B3GALT1: variants seen among roughly 807,000 people sequenced by gnomAD.
The protein encoded by B3GALT1 is beta-1,3-galactosyltransferase 1, also known as UDP-Gal:betaGlcNAc beta 1,3-galactosyltransferase, polypeptide 1.
A neutral mutation model predicts 23.2 loss-of-function variants in B3GALT1; 10 were observed. That is an observed-to-expected ratio of 0.43 (90% CI 0.27 to 0.73). B3GALT1 has a LOEUF of 0.73. Ranked by LOEUF, B3GALT1 falls within the 30% of genes least tolerant of loss-of-function variation. The probability of loss-of-function intolerance (pLI) is 0.21; values close to 1 mark genes in which losing one functional copy is unlikely to be tolerated. For synonymous variants in B3GALT1, 156 were observed against 141.5 expected, an observed-to-expected ratio of 1.10 and a Z score of -0.73; for missense variants, 299 against 405.4, an observed-to-expected ratio of 0.74 and a Z score of 2.25.
At position 167,810,260 on chromosome 2, in the gene B3GALT1, C is replaced by A. The variant is rs369109952; in HGVS notation, c.-351-8412C>A. Among the ~76,000 whole-genome samples the A allele has an allele frequency of 2.6e-4, 40 of 151,076 alleles. 4 individuals are homozygous for A. The highest frequency in any genetic ancestry group is 9.6e-4 in the African/African-American group (39 of 40,418). On this transcript the variant is annotated intron_variant, in intron 3 of 4. Transcript: ENST00000392690. ...GGTGATGCCTCGCCCTGCTTCGGCT[C>A]ACACTCAGTGCACTGCACCCACTGT... is the stretch of plus-strand genomic sequence containing the variant.
chr2:167,411,006 TAA>T (rs2105295468), intron 1 of B3GALT1, among the ~76,000 whole-genome samples: 1 of 151,706 alleles, frequency 6.6e-6, no homozygotes, highest in South Asian at 2.1e-4. Context: ...AATAATTTTA[TAA>T]AGATACCCAT....
At chr2:167,458,804 T>G (rs1187808321) in intron 1 of B3GALT1, among the ~76,000 whole-genome samples, 3 of 152,168 alleles carry the variant, frequency 2.0e-5, no homozygotes, top group Non-Finnish European at 4.4e-5. Flanking sequence ...ACCAGATTTT[T>G]TTGTTGTTGT....
intron 3 of B3GALT1, among the ~76,000 whole-genome samples, chr2:167,717,484 G>GT (rs35510735): frequency 4.7e-5 from 7 of 150,522 alleles, no homozygotes; most frequent in East Asian, 2.0e-4. Context: ...GTTATACATA[G>GT]TTTTTTTTTT....
At chr2:167,318,274 G>A (rs527273613) in intron 1 of B3GALT1, among the ~76,000 whole-genome samples, 4 of 150,774 alleles carry the variant, frequency 2.7e-5, no homozygotes, top group South Asian at 2.1e-4. Flanking sequence ...GCGGTGAGCC[G>A]AGATCACACC....
intron 1 of B3GALT1, among the ~76,000 whole-genome samples, chr2:167,336,644 T>C (rs1477389814): frequency 6.6e-6 from 1 of 152,196 alleles, no homozygotes; most frequent in African/African-American, 2.4e-5. Flanking sequence ...TAGATACTTA[T>C]TAGTAATTGT....
intron 3 of B3GALT1, among the ~76,000 whole-genome samples, chr2:167,733,562 A>G (rs995201207): frequency 6.6e-6 from 1 of 152,068 alleles, no homozygotes; most frequent in Admixed American, 6.6e-5. Flanking sequence ...AAGTTTCTCA[A>G]TTTCTAAAAC....
At chr2:167,369,321 G>A (rs1022194468) in intron 1 of B3GALT1, among the ~76,000 whole-genome samples, 22 of 152,096 alleles carry the variant, frequency 1.4e-4, no homozygotes, top group African/African-American at 5.3e-4. Context: ...TGAGCAAGTG[G>A]TAGAATATTC....
chr2:167,616,786 C>G (rs1469257735), intron 2 of B3GALT1, among the ~76,000 whole-genome samples: 1 of 151,996 alleles, frequency 6.6e-6, no homozygotes, highest in Admixed American at 6.6e-5. Flanking sequence ...TCCCTGTAAA[C>G]TTTCTTGTAT....
In B3GALT1 at chr2:167,871,944, C is replaced by T. The variant is rs1357265521; in HGVS notation, c.*1924C>T. 1 of 136,590 alleles carries T rather than the reference C, an allele frequency of 7.3e-6. No individual in the cohort carries two copies. The highest frequency in any genetic ancestry group is 2.2e-4 in the East Asian group (1 of 4,458). 8.5% of individuals were successfully genotyped at this position (136,590 alleles called of 1,614,324 possible). ...TGAGACGGAGTCTAGCTCTGTGGCC[C>T]AGGCGGGAGTGCAGTGGCACAATCT... On this transcript the variant is annotated 3_prime_UTR_variant, in exon 5 of 5. Coordinates refer to ENST00000392690, the MANE Select transcript of B3GALT1 (RefSeq NM_020981.4).
chr2:167,323,245 TG>T (rs1428864647), intron 1 of B3GALT1, among the ~76,000 whole-genome samples: 3 of 152,022 alleles, frequency 2.0e-5, no homozygotes, highest in Non-Finnish European at 4.4e-5. Flanking sequence ...CATTTAAAAG[TG>T]TGAGTATATA....
At chr2:167,615,097 A>G (rs1036285402) in intron 2 of B3GALT1, among the ~76,000 whole-genome samples, 3 of 152,132 alleles carry the variant, frequency 2.0e-5, no homozygotes, top group East Asian at 3.9e-4. Context: ...ACATGAAAAT[A>G]TAAAACTTTG....
chr2:167,670,550 T>C (rs1481399626), intron 3 of B3GALT1, among the ~76,000 whole-genome samples: 1 of 152,164 alleles, frequency 6.6e-6, no homozygotes, highest in Non-Finnish European at 1.5e-5. Context: ...AATTTTCCAG[T>C]AACAACCCCA....
chr2:167,371,070 T>C (rs1425555554), intron 1 of B3GALT1, among the ~76,000 whole-genome samples: 1 of 152,124 alleles, frequency 6.6e-6, no homozygotes, highest in Non-Finnish European at 1.5e-5. Context: ...TAGAGATTGA[T>C]CCCTTGGAGA....
At chr2:167,746,308 A>G (rs1264850041) in intron 3 of B3GALT1, among the ~76,000 whole-genome samples, 1 of 152,240 alleles carries the variant, frequency 6.6e-6, no homozygotes, top group African/African-American at 2.4e-5. Flanking sequence ...TGAGATCTTT[A>G]TTAAGTTTCA....
chr2:167,793,489 A>C lies in B3GALT1; in HGVS notation c.-351-25183A>C, dbSNP rs150062907. Among the ~76,000 whole-genome samples, 60 of 152,316 alleles carry C rather than the reference A, an allele frequency of 3.9e-4. 1 individual carries two copies. The highest frequency in any genetic ancestry group is 6.8e-3 in the Middle Eastern group (2 of 294). On this transcript the variant is annotated intron_variant, in intron 3 of 4. Coordinates refer to ENST00000392690, the MANE Select transcript of B3GALT1 (RefSeq NM_020981.4). Reference sequence around the variant, plus strand: ...ATTACTAAGGAAGGGTTAGAGAAGAATAACACCAGGTAGGAACTAGAATTA... The same window carrying C: ...ATTACTAAGGAAGGGTTAGAGAAGACTAACACCAGGTAGGAACTAGAATTA...
chr2:167,668,584 G>T (rs112642952), intron 3 of B3GALT1, among the ~76,000 whole-genome samples: 2 of 152,170 alleles, frequency 1.3e-5, no homozygotes, highest in Non-Finnish European at 2.9e-5. Context: ...TCAGACTGCT[G>T]TGCTAGCAAT....
At chr2:167,328,622 T>C (rs1003010914) in intron 1 of B3GALT1, among the ~76,000 whole-genome samples, 1 of 152,088 alleles carries the variant, frequency 6.6e-6, no homozygotes, top group African/African-American at 2.4e-5. Flanking sequence ...TAGCTAATGG[T>C]TTATTAATTT....
intron 3 of B3GALT1, among the ~76,000 whole-genome samples, chr2:167,744,602 T>A (rs1687624316): frequency 6.6e-6 from 1 of 152,118 alleles, no homozygotes; most frequent in East Asian, 1.9e-4. Context: ...TTTTCTTTTT[T>A]TTTTCTGAGA....
At chr2:167,664,518 T>C (rs1686135752) in intron 3 of B3GALT1, among the ~76,000 whole-genome samples, 1 of 152,166 alleles carries the variant, frequency 6.6e-6, no homozygotes, top group Non-Finnish European at 1.5e-5. Context: ...GGTAGCTTGA[T>C]GGGGATGGCA....
Sources: gnomAD v4.1 joint callset for allele counts (sites outside exome capture counted in the v4.1 genomes callset) on GRCh38, gnomAD v4.1.1 for gene constraint, MANE v1.5 for transcripts, NCBI Gene and HGNC (gene_info 2026-07-23, HGNC 2026-07-21) for gene names.